LAMA1: variants seen among roughly 807,000 people sequenced by gnomAD.
LAMA1 encodes the protein laminin subunit alpha-1.
In LAMA1, 219 loss-of-function variants were observed where a neutral mutation model predicts 348.7. The ratio of observed to expected loss-of-function variants is 0.63; its 90% CI spans 0.56 to 0.70. The LOEUF (loss-of-function observed/expected upper bound fraction) is 0.70. LAMA1 is among the 30% of genes least tolerant of loss of function. The pLI, the probability that LAMA1 is intolerant of heterozygous loss-of-function variation, is 0.00. For missense variants in LAMA1, 3,744 were observed against 3,888.0 expected (o/e 0.96, Z 0.99); for synonymous variants, 1,487 against 1,491.0 (o/e 1.00, Z 0.06).
chr18:7,055,941 G>T (rs576301907), intron 3 of LAMA1, among the ~76,000 whole-genome samples: 1 of 152,042 alleles, frequency 6.6e-6, no homozygotes, highest in African/African-American at 2.4e-5. Context: ...TTAGCTGGGC[G>T]TGGTGGCGGA....
At chr18:7,101,739 T>C (rs1418518965) in intron 1 of LAMA1, among the ~76,000 whole-genome samples, 1 of 152,160 alleles carries the variant, frequency 6.6e-6, no homozygotes, top group Non-Finnish European at 1.5e-5. Context: ...GCAATCATAG[T>C]TTACTGCAGC....
chr18:7,115,814 C>CAAAAAAAAAAAAAAAAAAAAA (rs557585224), intron 1 of LAMA1, among the ~76,000 whole-genome samples: 8 of 94,814 alleles, frequency 8.4e-5, no homozygotes, highest in African/African-American at 1.8e-4. Context: ...ACTAAAAATA[C>CAAAAAAAAAAAAAAAAAAAAA]AAAAAAAAAA....
chr18:7,019,705 A>G lies in LAMA1; in HGVS notation c.2702-2321T>C, dbSNP rs1432871141. Reference sequence around the variant, plus strand: ...TTTTTTTTTTTTTTTTTTTTGAGACAGGGTCTCACTCCGTCACCCAGGCTG... The same window carrying G: ...TTTTTTTTTTTTTTTTTTTTGAGACGGGGTCTCACTCCGTCACCCAGGCTG... On this transcript the variant is annotated intron_variant, in intron 19 of 62. Coordinates refer to ENST00000389658, the MANE Select transcript of LAMA1 (RefSeq NM_005559.4). Among the ~76,000 whole-genome samples the G allele has an allele frequency of 5.1e-5, 6 of 118,510 alleles. No homozygotes were observed. The Admixed American group carries it at 6.0e-4, about 12-fold the overall frequency. The allele number at this position is 118,510 out of a possible 152,430, so 77.7% of individuals were successfully genotyped here. A position where few individuals can be genotyped will look rare whatever the true frequency, so the allele number is the denominator to read the frequency against.
chr18:6,964,030 T>G (rs969794495), intron 51 of LAMA1: 3 of 152,988 alleles, frequency 2.0e-5, no homozygotes, highest in Non-Finnish European at 4.4e-5. Context: ...TTTTTTTTCC[T>G]TTTGCCTTAA....
At chr18:7,022,659 T>C (rs2057923210) in intron 19 of LAMA1, among the ~76,000 whole-genome samples, 1 of 152,182 alleles carries the variant, frequency 6.6e-6, no homozygotes, top group Admixed American at 6.5e-5. Flanking sequence ...GATCCATAAT[T>C]TCAAGGATCG....
intron 16 of LAMA1, among the ~76,000 whole-genome samples, chr18:7,026,609 G>T (rs907655975): frequency 1.3e-5 from 2 of 152,198 alleles, no homozygotes; most frequent in Non-Finnish European, 2.9e-5. Flanking sequence ...GCAGTGCTCT[G>T]AGAGACTCAT....
At chr18:6,959,980 T>C (rs1264494580) in intron 53 of LAMA1, 1 of 224,914 alleles carries the variant, frequency 4.4e-6, no homozygotes, top group East Asian at 1.1e-4. Flanking sequence ...GTTTATACAC[T>C]AGAAGAATTG....
intron 3 of LAMA1, among the ~76,000 whole-genome samples, chr18:7,059,856 G>A (rs1299306259): frequency 1.3e-5 from 2 of 152,230 alleles, no homozygotes; most frequent in East Asian, 3.8e-4. Flanking sequence ...GAACAGTTAA[G>A]TGCATTTGAT....
At position 6,964,815 on chromosome 18, in the gene LAMA1, G is replaced by A; in HGVS notation, c.7196-12C>T. ...AACTGCTAGCACTCCTAAAAGGAGA[G>A]CACAGGCAAGAGATAAGAAAAGGAA... On this transcript the variant is annotated splice_polypyrimidine_tract_variant and intron_variant, in intron 50 of 62. Transcript: ENST00000389658. The A allele has an allele frequency of 6.2e-7, 1 of 1,613,976 alleles. No individual in the cohort carries two copies. Among genetic ancestry groups the A allele is most frequent in the Non-Finnish European group, 8.5e-7 (1 of 1,179,986 alleles).
chr18:7,057,354 T>C (rs1476530030), intron 3 of LAMA1, among the ~76,000 whole-genome samples: 5 of 152,052 alleles, frequency 3.3e-5, no homozygotes, highest in Admixed American at 6.6e-5. Context: ...ACTACTTCTA[T>C]ATATTGCAAA....
At position 7,042,243 on chromosome 18, in the gene LAMA1, G is replaced by A. The variant is rs760736243; in HGVS notation, c.1163C>T (p.Pro388Leu). The change falls in exon 9 of 63, where the codon CCT becomes CTT. Residue 388 changes from proline (P) to leucine (L), a missense_variant. Pro to Leu is a moderately conservative substitution (Grantham distance 98, BLOSUM62 -3). Transcript: ENST00000389658. ...DGYYRPHKVS[P>L]YEDEPCRPCN... The stretch of plus-strand genomic sequence containing the variant: ...GGGGCGGCAAGGCTCATCCTCATAA[G>A]GAGACACCTGAAAGGCAGAGGTTGC... 8 of 1,603,306 alleles carry A rather than the reference G, an allele frequency of 5.0e-6. No individual in the cohort carries two copies. The highest frequency in any genetic ancestry group is 6.0e-6 in the Non-Finnish European group (7 of 1,172,032).
chr18:7,015,942 T>A lies in LAMA1; in HGVS notation c.2990-84A>T. On this transcript the variant is annotated intron_variant, in intron 21 of 62. Coordinates refer to ENST00000389658, the MANE Select transcript of LAMA1 (RefSeq NM_005559.4). ...GCTGATGCTGTTATTTCCCTTTTATTAAGAGTCCAAGCCACTCTTCTCACT... is the reference window on the plus strand; with the variant it reads ...GCTGATGCTGTTATTTCCCTTTTATAAAGAGTCCAAGCCACTCTTCTCACT... 6 of 1,532,900 alleles carry A rather than the reference T, an allele frequency of 3.9e-6. No individual in the cohort carries two copies. The Admixed American group carries it at 5.2e-5, about 13-fold the overall frequency. 95.0% of individuals were successfully genotyped at this position (1,532,900 alleles called of 1,614,324 possible).
chr18:7,098,905 C>T (rs1464886315), intron 1 of LAMA1, among the ~76,000 whole-genome samples: 9 of 150,846 alleles, frequency 6.0e-5, no homozygotes, highest in Non-Finnish European at 1.0e-4. Flanking sequence ...CGCCTCTGCC[C>T]GGCCGCCCCT....
chr18:7,112,368 A>C (rs1270343969), intron 1 of LAMA1, among the ~76,000 whole-genome samples: 1 of 152,174 alleles, frequency 6.6e-6, no homozygotes, highest in East Asian at 1.9e-4. Context: ...CCATGCATCC[A>C]TGTTTTGGCA....
chr18:6,950,844 G>A lies in LAMA1; in HGVS notation c.8335C>T (p.Leu2779Phe), dbSNP rs181694782. The change falls in exon 58 of 63, where the codon CTT (leucine) becomes TTT (phenylalanine). Residue 2779 changes from leucine (L) to phenylalanine (F), a missense_variant. This residue lies in a region of LAMA1 where 1,983 missense variants were observed against 1,934.3 expected (regional missense o/e 1.03). Coordinates refer to ENST00000389658, the MANE Select transcript of LAMA1 (RefSeq NM_005559.4). ...HGGRLHFMFD[L>F]GKGRTKVSHP... Reference sequence around the variant, plus strand: ...GAGACCTTTGTTCTGCCTTTGCCAAGGTCAAACATGAAGTGGAGGCGGCCC... The same window carrying A: ...GAGACCTTTGTTCTGCCTTTGCCAAAGTCAAACATGAAGTGGAGGCGGCCC... The A allele has an allele frequency of 2.5e-6, 4 of 1,614,142 alleles. No individual in the cohort carries two copies. Among genetic ancestry groups the A allele is most frequent in the African/African-American group, 1.3e-5 (1 of 75,040 alleles).
chr18:7,044,615 C>T, intron 7 of LAMA1, 107 bp downstream of exon 7: 1 of 923,016 alleles, frequency 1.1e-6, no homozygotes, highest in Non-Finnish European at 1.8e-6. Flanking sequence ...ACTTAAATTT[C>T]TAAGAAAACA....
intron 37 of LAMA1, among the ~76,000 whole-genome samples, chr18:6,985,868 G>A (rs541109478): frequency 5.9e-5 from 9 of 152,220 alleles, no homozygotes; most frequent in African/African-American, 2.2e-4. Context: ...AAGCGATTCT[G>A]CTGCCTCAGC....
rs2057501626 is a variant in LAMA1, at chr18:6,942,209, T to G, written c.9098A>C (p.Gln3033Pro). 1.2e-6 allele frequency: 2 copies of G among 1,614,060 alleles called. No individual in the cohort carries two copies. Among genetic ancestry groups the G allele is most frequent in the African/African-American group, 1.3e-5 (1 of 74,938 alleles). The stretch of plus-strand genomic sequence containing the variant: ...CCTCAAACACCCGCGGAACGAGGTC[T>G]GGCTGCGCAGGCATTTTTGCTTCAC... Reference protein sequence around the residue: ...AGVKQKCLRSQTSFRGCLRKL... With the variant: ...AGVKQKCLRSPTSFRGCLRKL... Residue 3033 changes from glutamine (Q) to proline (P), a missense_variant, in exon 63 of 63, where the codon CAG becomes CCG. Around this residue, in one of 3 missense-constraint regions of LAMA1, gnomAD observed 232 missense variants for 264.4 expected, o/e 0.88. Transcript: ENST00000389658.
At chr18:7,097,482 A>G (rs899524032) in intron 1 of LAMA1, among the ~76,000 whole-genome samples, 2 of 147,232 alleles carry the variant, frequency 1.4e-5, no homozygotes, top group African/African-American at 5.0e-5. Flanking sequence ...TCCAATTGCT[A>G]TCAAAATCTC....
Sources: gnomAD v4.1 joint callset for allele counts (sites outside exome capture counted in the v4.1 genomes callset) on GRCh38, gnomAD v4.1.1 for gene constraint, gnomAD v4.1.1 regional missense constraint, MANE v1.5 for transcripts, NCBI Gene and HGNC (gene_info 2026-07-23, HGNC 2026-07-21) for gene names.